The following RANBP2 variants were observed in gnomAD, a reference collection of about 807,000 sequenced individuals.
The protein encoded by RANBP2 is RAN binding protein 2, also known as E3 SUMO-protein ligase RanBP2.
Under a neutral mutation model 303.6 loss-of-function variants are expected in RANBP2, and 57 were observed. That is an observed-to-expected ratio of 0.19 (90% CI 0.15 to 0.23). The LOEUF is 0.23. Among genes scored for constraint, RANBP2 ranks in the 10% least tolerant of loss-of-function variants. RANBP2 has a pLI of 1.00. For missense variants in RANBP2, 3,138 were observed against 3,780.8 expected, an observed-to-expected ratio of 0.83 and a Z score of 4.46; for synonymous variants, 1,167 against 1,301.5, an observed-to-expected ratio of 0.90 and a Z score of 2.23.
At chr2:109,248,645 A>G in the RANBP2 span, among the ~76,000 whole-genome samples, 2 of 152,150 alleles carry the variant, frequency 1.3e-5, no homozygotes, top group Non-Finnish European at 2.9e-5. Flanking sequence ...AGTGCAAGCA[A>G]ATAATTAGTA....
the RANBP2 span, among the ~76,000 whole-genome samples, chr2:108,832,961 A>G: frequency 6.6e-6 from 1 of 152,236 alleles, no homozygotes; most frequent in African/African-American, 2.4e-5. Context: ...CAAGGGATCT[A>G]TATTTTACCA....
At chr2:109,344,569 G>A in the RANBP2 span, among the ~76,000 whole-genome samples, 1 of 152,154 alleles carries the variant, frequency 6.6e-6, no homozygotes, top group Non-Finnish European at 1.5e-5. Context: ...CATGAGCTTG[G>A]CCCTGCATTT....
chr2:108,979,426 C>G, the RANBP2 span, among the ~76,000 whole-genome samples: 7,085 of 52,174 alleles, frequency 0.14, 233 homozygotes, highest in Non-Finnish European at 0.32. Flanking sequence ...GTTGCTGTCT[C>G]TCTCTCTCTT....
the RANBP2 span, among the ~76,000 whole-genome samples, chr2:109,021,524 G>GAAA: frequency 8.3e-3 from 999 of 120,108 alleles, 28 homozygotes; most frequent in Middle Eastern, 0.018. Context: ...CTCCGTCTCA[G>GAAA]AAAAAAAAAA....
the RANBP2 span, among the ~76,000 whole-genome samples, chr2:109,480,805 G>A: frequency 4.6e-5 from 7 of 152,162 alleles, no homozygotes; most frequent in Non-Finnish European, 1.0e-4. Flanking sequence ...TATGACCTCC[G>A]GCTCTCTCTA....
the RANBP2 span, among the ~76,000 whole-genome samples, chr2:108,901,210 G>A: frequency 6.6e-6 from 1 of 152,058 alleles, no homozygotes; most frequent in Non-Finnish European, 1.5e-5. Flanking sequence ...TCACACACTT[G>A]AAAACCAGAC....
chr2:109,131,939 T>G, the RANBP2 span, among the ~76,000 whole-genome samples: 1 of 152,218 alleles, frequency 6.6e-6, no homozygotes, highest in African/African-American at 2.4e-5. Flanking sequence ...ACTACCATGC[T>G]GGGATAATAG....
the RANBP2 span, among the ~76,000 whole-genome samples, chr2:109,378,382 C>T: frequency 6.6e-6 from 1 of 152,208 alleles, no homozygotes; most frequent in Non-Finnish European, 1.5e-5. Context: ...TAGTTCTCAA[C>T]TCCCAGTTGA....
the RANBP2 span, among the ~76,000 whole-genome samples, chr2:109,148,744 C>T: frequency 6.6e-6 from 1 of 152,192 alleles, no homozygotes; most frequent in African/African-American, 2.4e-5. Context: ...TCTGAAGTTA[C>T]TGGGGCTCGG....
the RANBP2 span, among the ~76,000 whole-genome samples, chr2:108,841,549 A>G: frequency 2.0e-5 from 3 of 152,084 alleles, no homozygotes; most frequent in Non-Finnish European, 2.9e-5. Context: ...ATCTGATACT[A>G]ATATAGAGAC....
the RANBP2 span, among the ~76,000 whole-genome samples, chr2:109,166,039 A>G: frequency 6.6e-6 from 1 of 152,068 alleles, no homozygotes; most frequent in Admixed American, 6.6e-5. Context: ...CTGTAGATAC[A>G]TACCTTGGTG....
the RANBP2 span, among the ~76,000 whole-genome samples, chr2:108,999,590 T>C: frequency 1.3e-5 from 2 of 152,146 alleles, no homozygotes; most frequent in Non-Finnish European, 2.9e-5. Flanking sequence ...GCCACAGTCT[T>C]GGATATGGCG....
the RANBP2 span, among the ~76,000 whole-genome samples, chr2:108,810,439 C>T: frequency 1.3e-5 from 2 of 152,192 alleles, no homozygotes; most frequent in Non-Finnish European, 2.9e-5. Context: ...TTATACTCTT[C>T]ATTCTGTTAA....
At chr2:108,737,933 C>T (rs1012286367) in intron 6 of RANBP2, among the ~76,000 whole-genome samples, 47 of 151,910 alleles carry the variant, frequency 3.1e-4, no homozygotes, top group African/African-American at 1.0e-3. Context: ...CCAGGATGGT[C>T]TCGATCTCCT....
the RANBP2 span, among the ~76,000 whole-genome samples, chr2:108,880,478 A>G: frequency 6.6e-6 from 1 of 152,198 alleles, no homozygotes; most frequent in Non-Finnish European, 1.5e-5. Flanking sequence ...CTAGGTTTTC[A>G]TAGCTAGAGA....
chr2:108,772,399 A>G (rs1246708311), intron 21 of RANBP2, 90 bp from the exon 22 acceptor site: 3 of 954,292 alleles, frequency 3.1e-6, no homozygotes, highest in African/African-American at 3.3e-5. Context: ...AGATGTGGAG[A>G]GTGAGAAATG....
the RANBP2 span, among the ~76,000 whole-genome samples, chr2:109,289,081 G>C: frequency 6.6e-6 from 1 of 152,138 alleles, no homozygotes; most frequent in African/African-American, 2.4e-5. Context: ...TTATAACTGA[G>C]GAGCTGGCGT....
At chr2:109,362,564 A>T in the RANBP2 span, among the ~76,000 whole-genome samples, 2 of 152,106 alleles carry the variant, frequency 1.3e-5, no homozygotes, top group African/African-American at 4.8e-5. Context: ...TATTATGTGG[A>T]TGTCAGTTGT....
chr2:109,024,755 T>A, the RANBP2 span, among the ~76,000 whole-genome samples: 1 of 152,232 alleles, frequency 6.6e-6, no homozygotes, highest in Non-Finnish European at 1.5e-5. Flanking sequence ...GGGACAAACC[T>A]TCACTGGAAG....
Sources: gnomAD v4.1 joint callset for allele counts (sites outside exome capture counted in the v4.1 genomes callset) on GRCh38, gnomAD v4.1.1 for gene constraint, MANE v1.5 for transcripts, NCBI Gene and HGNC (gene_info 2026-07-23, HGNC 2026-07-21) for gene names.